TACR1: variants seen among roughly 807,000 people sequenced by gnomAD.
TACR1 encodes the protein substance-P receptor.
A neutral mutation model predicts 35.8 loss-of-function variants in TACR1; 25 were observed. The observed-to-expected ratio is 0.70, with a 90% confidence interval of 0.51 to 0.98. TACR1 has a LOEUF of 0.98. TACR1 is among the 50% of genes least tolerant of loss of function. The pLI is 0.00. For synonymous variants in TACR1, 195 were observed against 206.7 expected, an observed-to-expected ratio of 0.94 and a Z score of 0.48; for missense variants, 478 against 522.9, an observed-to-expected ratio of 0.91 and a Z score of 0.84.
chr2:75,118,503 C>T (rs1280709629), intron 2 of TACR1, among the ~76,000 whole-genome samples: 1 of 152,140 alleles, frequency 6.6e-6, no homozygotes, highest in African/African-American at 2.4e-5. Context: ...ATAAGACAAT[C>T]CAACACATCA....
At chr2:75,106,200 G>A (rs759065879) in intron 2 of TACR1, among the ~76,000 whole-genome samples, 10 of 151,910 alleles carry the variant, frequency 6.6e-5, no homozygotes, top group African/African-American at 9.7e-5. Flanking sequence ...TAAACTCATC[G>A]AAAGTTAACA....
intron 1 of TACR1, among the ~76,000 whole-genome samples, chr2:75,161,747 A>T (rs1675014940): frequency 6.6e-6 from 1 of 152,142 alleles, no homozygotes; most frequent in Admixed American, 6.5e-5. Flanking sequence ...AAACACTTTT[A>T]TGAAACGAAA....
At chr2:75,165,715 A>C (rs1254010924) in intron 1 of TACR1, among the ~76,000 whole-genome samples, 1 of 152,148 alleles carries the variant, frequency 6.6e-6, no homozygotes, top group East Asian at 1.9e-4. Context: ...TGGTGCGCCC[A>C]GGCTAACGCT....
intron 1 of TACR1, among the ~76,000 whole-genome samples, chr2:75,190,385 G>C (rs1347476613): frequency 6.6e-6 from 1 of 152,194 alleles, no homozygotes; most frequent in Non-Finnish European, 1.5e-5. Context: ...AAGATGGAAA[G>C]AATGTTGAAA....
chr2:75,110,072 A>G (rs1357930783), intron 2 of TACR1, among the ~76,000 whole-genome samples: 1 of 152,166 alleles, frequency 6.6e-6, no homozygotes, highest in East Asian at 1.9e-4. Flanking sequence ...AAAATACAAT[A>G]CGAAATGAAG....
intron 2 of TACR1, among the ~76,000 whole-genome samples, chr2:75,118,500 A>T (rs191017997): frequency 1.3e-5 from 2 of 152,332 alleles, no homozygotes; most frequent in East Asian, 3.9e-4. Flanking sequence ...GAAATAAGAC[A>T]ATCCAACACA....
intron 1 of TACR1, among the ~76,000 whole-genome samples, chr2:75,178,846 C>T (rs1456480632): frequency 6.6e-6 from 1 of 152,198 alleles, no homozygotes; most frequent in African/African-American, 2.4e-5. Flanking sequence ...CCTTGTTGGT[C>T]ATATTTGCCA....
chr2:75,053,958 A>G (rs2103784421), intron 2 of TACR1, among the ~76,000 whole-genome samples: 1 of 152,300 alleles, frequency 6.6e-6, no homozygotes, highest in Middle Eastern at 3.4e-3. Context: ...ACACTACAGA[A>G]AACAATTTAT....
chr2:75,192,429 A>G (rs1324593497), intron 1 of TACR1, among the ~76,000 whole-genome samples: 3 of 152,218 alleles, frequency 2.0e-5, no homozygotes, highest in African/African-American at 4.8e-5. Flanking sequence ...TTAATAATTT[A>G]TTGAATTTAA....
At chr2:75,155,413 G>A (rs180702026) in intron 1 of TACR1, among the ~76,000 whole-genome samples, 169 of 150,416 alleles carry the variant, frequency 1.1e-3, no homozygotes, top group Middle Eastern at 6.9e-3. Flanking sequence ...TTGCTTACAT[G>A]CCCTTCTTCC....
At chr2:75,109,082 A>G (rs973284132) in intron 2 of TACR1, among the ~76,000 whole-genome samples, 5 of 152,152 alleles carry the variant, frequency 3.3e-5, no homozygotes, top group African/African-American at 1.2e-4. Context: ...AAACAATTTT[A>G]AGGAACTTGC....
chr2:75,121,257 T>C (rs1673966117), intron 1 of TACR1, among the ~76,000 whole-genome samples: 1 of 152,196 alleles, frequency 6.6e-6, no homozygotes, highest in South Asian at 2.1e-4. Flanking sequence ...AGTAAACATG[T>C]CTCTGTGACA....
Position 75,123,596 on chromosome 2 carries a change from C to G in TACR1, c.390-2828G>C, listed in dbSNP as rs576454981. Among the ~76,000 whole-genome samples the G allele has an allele frequency of 2.6e-5, 4 of 152,208 alleles. No homozygotes were observed. In the South Asian group the frequency reaches 8.3e-4, roughly 32 times the overall value. On this transcript the variant is annotated intron_variant, in intron 1 of 4. Coordinates refer to ENST00000305249, the MANE Select transcript of TACR1 (RefSeq NM_001058.4). ...TTTTAGTGGCAGATGAAAGTATTAC[C>G]CACATAAAGCCAGAGAGAATAAAAA...
At chr2:75,053,351 C>CGTGTGT (rs146114140) in intron 3 of TACR1, among the ~76,000 whole-genome samples, 2 of 151,044 alleles carry the variant, frequency 1.3e-5, no homozygotes, top group South Asian at 4.2e-4. Flanking sequence ...TTTAAGTGTG[C>CGTGTGT]GTGTGTGTGT....
chr2:75,181,446 A>T (rs1675556916), intron 1 of TACR1, among the ~76,000 whole-genome samples: 1 of 152,234 alleles, frequency 6.6e-6, no homozygotes, highest in Non-Finnish European at 1.5e-5. Flanking sequence ...TGATGTTAAA[A>T]TTAATTTATC....
At chr2:75,140,073 T>C (rs937832154) in intron 1 of TACR1, among the ~76,000 whole-genome samples, 1 of 152,166 alleles carries the variant, frequency 6.6e-6, no homozygotes, top group Non-Finnish European at 1.5e-5. Context: ...ATTTTCTGGG[T>C]ACTGTATGAT....
At chr2:75,162,043 C>A (rs1356075328) in intron 1 of TACR1, among the ~76,000 whole-genome samples, 570 of 93,946 alleles carry the variant, frequency 6.1e-3, no homozygotes, top group Non-Finnish European at 7.3e-3. Flanking sequence ...TTGACTCTTC[C>A]AAAAAAAAAA....
chr2:75,193,769 T>C (rs191582897), intron 1 of TACR1, among the ~76,000 whole-genome samples: 3 of 152,334 alleles, frequency 2.0e-5, no homozygotes, highest in Admixed American at 1.3e-4. Context: ...ATGTCCCTCC[T>C]CTTGTCTCCT....
intron 1 of TACR1, among the ~76,000 whole-genome samples, chr2:75,185,260 A>G (rs1675663687): frequency 6.6e-6 from 1 of 152,068 alleles, no homozygotes; most frequent in Non-Finnish European, 1.5e-5. Context: ...AACAACAACT[A>G]AATTATAAAA....
Sources: gnomAD v4.1 joint callset for allele counts (sites outside exome capture counted in the v4.1 genomes callset) on GRCh38, gnomAD v4.1.1 for gene constraint, MANE v1.5 for transcripts, NCBI Gene and HGNC (gene_info 2026-07-23, HGNC 2026-07-21) for gene names.